The following SEPTIN11 variants were observed in gnomAD, a reference collection of about 807,000 sequenced individuals.
SEPTIN11 encodes the protein septin 11, also known as septin-11.
A neutral mutation model predicts 51.4 loss-of-function variants in SEPTIN11; 25 were observed. That is an observed-to-expected ratio of 0.49 (90% confidence interval 0.35 to 0.68). SEPTIN11 has a LOEUF of 0.68. Ranked by LOEUF, SEPTIN11 falls within the 30% of genes least tolerant of loss-of-function variation. The pLI, the probability that SEPTIN11 is intolerant of heterozygous loss-of-function variation, is 0.00. For synonymous variants in SEPTIN11, 174 were observed against 184.1 expected (o/e 0.95, Z 0.44); for missense variants, 381 against 520.8 (o/e 0.73, Z 2.61).
chr4:76,951,892 A>G (rs1721363174), intron 1 of SEPTIN11, among the ~76,000 whole-genome samples: 1 of 152,214 alleles, frequency 6.6e-6, no homozygotes, highest in Non-Finnish European at 1.5e-5. Context: ...TTCAGATAAT[A>G]GAGGAGATTT....
intron 1 of SEPTIN11, chr4:76,973,025 G>A (rs1411244462): frequency 1.3e-5 from 2 of 152,158 alleles, no homozygotes; most frequent in Non-Finnish European, 2.9e-5. Flanking sequence ...CAAATGTGAT[G>A]TTACACATTT....
chr4:77,011,618 C>A, intron 3 of SEPTIN11, 117 bp from the exon 4 acceptor site: 1 of 868,292 alleles, frequency 1.2e-6, no homozygotes, highest in Non-Finnish European at 1.8e-6. Context: ...GGCCTGGATA[C>A]CTAGGTAAGG....
intron 1 of SEPTIN11, among the ~76,000 whole-genome samples, chr4:76,956,278 A>G (rs552019058): frequency 4.6e-5 from 7 of 152,308 alleles, no homozygotes; most frequent in Admixed American, 2.0e-4. Flanking sequence ...ATCTCACCTT[A>G]TACTCACAAA....
intron 1 of SEPTIN11, among the ~76,000 whole-genome samples, chr4:76,993,250 G>A (rs560673375): frequency 6.6e-6 from 1 of 152,080 alleles, no homozygotes. Flanking sequence ...TGGGATAGAG[G>A]AATATGATTT....
intron 1 of SEPTIN11, among the ~76,000 whole-genome samples, chr4:76,962,848 T>C (rs2109889286): frequency 6.6e-6 from 1 of 152,156 alleles, no homozygotes; most frequent in African/African-American, 2.4e-5. Context: ...CACACTCACA[T>C]ACCCCACATG....
Position 76,984,698 on chromosome 4 carries a change from T to C in SEPTIN11, c.28-11727T>C, listed in dbSNP as rs930579474. The stretch of plus-strand genomic sequence containing the variant: ...TCGTCACTGTTTTGAAGATATTCCA[T>C]AGGATAAAGACAGGGCAGGAGGGAC... On this transcript the variant is annotated intron_variant, in intron 1 of 9. Coordinates refer to ENST00000264893, the MANE Select transcript of SEPTIN11 (RefSeq NM_018243.4). This position sits in a 1 kb window ranked among gnomAD's most constrained non-coding sequence, Gnocchi z 4.1. 1.3e-5 allele frequency among the ~76,000 whole-genome samples: 2 copies of C among 152,102 alleles called. No homozygotes were observed. The highest frequency in any genetic ancestry group is 1.3e-4 in the Admixed American group (2 of 15,276).
At chr4:76,972,128 A>G (rs926007188) in intron 1 of SEPTIN11, among the ~76,000 whole-genome samples, 15 of 152,138 alleles carry the variant, frequency 9.9e-5, no homozygotes, top group African/African-American at 3.6e-4. Flanking sequence ...TTCCTCCACT[A>G]CCTGCCCCCC....
intron 7 of SEPTIN11, chr4:77,020,906 G>T: frequency 2.1e-6 from 1 of 487,272 alleles, no homozygotes. Context: ...CAAAGGCACT[G>T]AAAGTGTAAA....
At position 77,035,160 on chromosome 4, in the gene SEPTIN11, A is replaced by T; in HGVS notation, c.*648A>T. ...AACTGCATCTGAATGCCTGCCTTCA[A>T]TCCTGGCCAAGTTGGAGTAGACTGG... On this transcript the variant is annotated 3_prime_UTR_variant, in exon 10 of 10. Transcript: ENST00000264893. 1 of 985,470 alleles carries T rather than the reference A, an allele frequency of 1.0e-6. No homozygotes were observed. Among genetic ancestry groups the T allele is most frequent in the Non-Finnish European group, 1.2e-6 (1 of 829,966 alleles). 61.0% of individuals were successfully genotyped at this position (985,470 alleles called of 1,614,324 possible). A position where few individuals can be genotyped will look rare whatever the true frequency, so the allele number is the denominator to read the frequency against.
chr4:76,956,033 G>A (rs1721544147), intron 1 of SEPTIN11, among the ~76,000 whole-genome samples: 1 of 152,186 alleles, frequency 6.6e-6, no homozygotes, highest in Non-Finnish European at 1.5e-5. Context: ...CAGGAGAAGA[G>A]TCTGTTAAAA....
chr4:76,982,967 T>C (rs929548779), intron 1 of SEPTIN11, among the ~76,000 whole-genome samples: 3 of 152,068 alleles, frequency 2.0e-5, no homozygotes, highest in African/African-American at 7.2e-5. Flanking sequence ...TTTTTTTAGC[T>C]GGGGAAATGC....
At chr4:77,022,868 G>A (rs1163323162) in intron 7 of SEPTIN11, among the ~76,000 whole-genome samples, 1 of 143,830 alleles carries the variant, frequency 7.0e-6, no homozygotes, top group Non-Finnish European at 1.5e-5. Flanking sequence ...AGGGCCCAGT[G>A]GCCTAAGTTT....
chr4:77,014,838 G>A lies in SEPTIN11; in HGVS notation c.526-18G>A. The A allele has an allele frequency of 1.9e-6, 3 of 1,611,116 alleles. No individual in the cohort carries two copies. Among genetic ancestry groups the A allele is most frequent in the Non-Finnish European group, 2.5e-6 (3 of 1,178,794 alleles). On this transcript the variant is annotated intron_variant, in intron 4 of 9. Transcript: ENST00000264893. The stretch of plus-strand genomic sequence containing the variant: ...CTTATGTTGGAATTGTGTAAAAATG[G>A]ACGTGTCTGTTTTACAGGTGAACAT...
intron 1 of SEPTIN11, among the ~76,000 whole-genome samples, chr4:76,983,935 A>C (rs1389170513): frequency 6.6e-6 from 1 of 152,144 alleles, no homozygotes; most frequent in Non-Finnish European, 1.5e-5. Flanking sequence ...TGAACCCTGG[A>C]GGCGGAGGTT....
intron 5 of SEPTIN11, among the ~76,000 whole-genome samples, chr4:77,017,791 G>GA (rs1245648338): frequency 6.6e-6 from 1 of 152,088 alleles, no homozygotes; most frequent in African/African-American, 2.4e-5. Context: ...CATGCTAATA[G>GA]AAAAAAGATA....
chr4:76,970,485 A>G (rs1375758557), intron 1 of SEPTIN11, among the ~76,000 whole-genome samples: 1 of 152,234 alleles, frequency 6.6e-6, no homozygotes, highest in Admixed American at 6.5e-5. Flanking sequence ...TGCAGAACAA[A>G]GAATTTAACG....
chr4:77,020,314 T>C lies in SEPTIN11; in HGVS notation c.785-188T>C, dbSNP rs1578194558. 7.9e-5 allele frequency among the ~76,000 whole-genome samples: 12 copies of C among 152,338 alleles called. No homozygotes were observed. In the South Asian group the frequency reaches 2.1e-3, roughly 26 times the overall value. ...GCAGTCAGCGTTGTCATCAGTATTA[T>C]GGTCAATGTTGTCAGAAATCTTGTC... On this transcript the variant is annotated intron_variant, in intron 6 of 9. Transcript: ENST00000264893.
chr4:76,956,244 A>G (rs1012312778), intron 1 of SEPTIN11, among the ~76,000 whole-genome samples: 2 of 152,240 alleles, frequency 1.3e-5, no homozygotes, highest in Non-Finnish European at 2.9e-5. Flanking sequence ...AATTTATTCA[A>G]TTCAAATTAC....
chr4:77,035,336 A>G lies in SEPTIN11; in HGVS notation c.*824A>G. On this transcript the variant is annotated 3_prime_UTR_variant, in exon 10 of 10. Transcript: ENST00000264893. Reference sequence around the variant, plus strand: ...TTTCTACAGCCTGCTTACCACTAACAGTAAGGAATCTTTCATAAACACACC... The same window carrying G: ...TTTCTACAGCCTGCTTACCACTAACGGTAAGGAATCTTTCATAAACACACC... 1.0e-6 allele frequency: 1 copy of G among 985,466 alleles called. No homozygotes were observed. The highest frequency in any genetic ancestry group is 1.1e-4 in the East Asian group (1 of 8,816). The allele number at this position is 985,466 out of a possible 1,614,324, so 61.0% of individuals were successfully genotyped here. A position where few individuals can be genotyped will look rare whatever the true frequency, so the allele number is the denominator to read the frequency against.
Sources: allele counts gnomAD v4.1 joint callset (sites outside exome capture counted in the v4.1 genomes callset), GRCh38; gene constraint gnomAD v4.1.1; non-coding constraint Gnocchi (gnomAD v3.1); transcripts MANE v1.5; gene names NCBI Gene and HGNC (gene_info 2026-07-23, HGNC 2026-07-21).